Variants in WNT3 observed in about 807,000 individuals in gnomAD.
The protein encoded by WNT3 is proto-oncogene Wnt-3.
Under a neutral mutation model 34.2 loss-of-function variants are expected in WNT3, and 7 were observed. The observed-to-expected ratio is 0.20, with a 90% CI of 0.12 to 0.38. The LOEUF (loss-of-function observed/expected upper bound fraction) is 0.38. Among genes scored for constraint, WNT3 ranks in the 10% least tolerant of loss-of-function variants. WNT3 has a pLI of 1.00. For missense variants in WNT3, 267 were observed against 499.8 expected (o/e 0.53, Z 4.44); for synonymous variants, 212 against 211.5 (o/e 1.00, Z -0.02).
At chr17:46,802,741 G>C (rs2084142225) in intron 1 of WNT3, among the ~76,000 whole-genome samples, 1 of 152,216 alleles carries the variant, frequency 6.6e-6, no homozygotes, top group Non-Finnish European at 1.5e-5. Flanking sequence ...CCGGATAGCG[G>C]AACACGTGGA....
intron 1 of WNT3, among the ~76,000 whole-genome samples, chr17:46,798,886 A>G (rs1314676327): frequency 6.6e-6 from 1 of 152,002 alleles, no homozygotes; most frequent in East Asian, 1.9e-4. Flanking sequence ...CATCTCTACT[A>G]AAAATACAAA....
At chr17:46,803,904 A>G (rs917029204) in intron 1 of WNT3, among the ~76,000 whole-genome samples, 2 of 152,168 alleles carry the variant, frequency 1.3e-5, no homozygotes, top group African/African-American at 4.8e-5. Flanking sequence ...GAGGGTGGGC[A>G]CAGGCTGTAG....
At chr17:46,808,712 T>C (rs1414864384) in intron 1 of WNT3, among the ~76,000 whole-genome samples, 1 of 152,054 alleles carries the variant, frequency 6.6e-6, no homozygotes, top group African/African-American at 2.4e-5. Context: ...TTAAAATTAA[T>C]GACTTAGACA....
Position 46,769,929 on chromosome 17 carries a change from G to A in WNT3, c.442C>T (p.Pro148Ser), listed in dbSNP as rs2059348648. The change falls in exon 3 of 5, where the codon CCG becomes TCG. Residue 148 changes from proline to serine, a missense_variant. Physicochemically the swap from Pro to Ser is moderately conservative, Grantham distance 74. This residue lies in a region of WNT3 where 181 missense variants were observed against 391.3 expected (regional missense o/e 0.46). Coordinates refer to ENST00000225512, the MANE Select transcript of WNT3 (RefSeq NM_030753.5). ...ICGCDSHHKG[P>S]PGEGWKWGGC... Reference sequence around the variant, plus strand: ...CCCCACTTCCAGCCTTCGCCAGGCGGCCCCTTATGATGCGAGTCACAGCCG... The same window carrying A: ...CCCCACTTCCAGCCTTCGCCAGGCGACCCCTTATGATGCGAGTCACAGCCG... 1 of 1,613,434 alleles carries A rather than the reference G, an allele frequency of 6.2e-7. No homozygotes were observed. Among genetic ancestry groups the A allele is most frequent in the Non-Finnish European group, 8.5e-7 (1 of 1,179,880 alleles).
chr17:46,804,304 T>C (rs548152950), intron 1 of WNT3, among the ~76,000 whole-genome samples: 12 of 152,096 alleles, frequency 7.9e-5, no homozygotes, highest in African/African-American at 2.7e-4. Flanking sequence ...GCCAGGCTGG[T>C]TCGAACTCCT....
intron 4 of WNT3, among the ~76,000 whole-genome samples, chr17:46,766,962 A>G (rs918226080): frequency 6.6e-6 from 1 of 152,170 alleles, no homozygotes; most frequent in East Asian, 1.9e-4. Context: ...AACCAGGTCT[A>G]TGAAGAATTT....
chr17:46,815,793 C>T (rs1848612083), intron 1 of WNT3, among the ~76,000 whole-genome samples: 1 of 152,220 alleles, frequency 6.6e-6, no homozygotes, highest in Admixed American at 6.5e-5. Flanking sequence ...GTGCCCCCTG[C>T]AGCCACCTTG....
At chr17:46,771,700 G>T (rs2059372619) in intron 2 of WNT3, among the ~76,000 whole-genome samples, 3 of 143,620 alleles carry the variant, frequency 2.1e-5, no homozygotes, top group African/African-American at 7.5e-5. Flanking sequence ...CCGCGGCCGG[G>T]CCGCGCCCCC....
chr17:46,774,189 A>C (rs1162817552), intron 1 of WNT3, among the ~76,000 whole-genome samples: 8 of 152,206 alleles, frequency 5.3e-5, no homozygotes, highest in Non-Finnish European at 1.0e-4. Flanking sequence ...AGCCATGAAA[A>C]GAGGTTTGGA....
At chr17:46,779,132 C>T (rs1483435849) in intron 1 of WNT3, among the ~76,000 whole-genome samples, 10 of 149,950 alleles carry the variant, frequency 6.7e-5, no homozygotes, top group Non-Finnish European at 5.9e-5. Flanking sequence ...TCCAAAGGGC[C>T]GGGCACATGC....
In WNT3 at chr17:46,762,572, C is replaced by T. The variant is rs1187664798; in HGVS notation, c.*2058G>A. Reference sequence around the variant, plus strand: ...AAAACTGCATGATGAAATATATTTTCTCCAAATATATATATATTTATATAA... The same window carrying T: ...AAAACTGCATGATGAAATATATTTTTTCCAAATATATATATATTTATATAA... On this transcript the variant is annotated 3_prime_UTR_variant, in exon 5 of 5. Transcript: ENST00000225512. 1 of 150,592 alleles carries T rather than the reference C, an allele frequency of 6.6e-6. No homozygotes were observed. Among genetic ancestry groups the T allele is most frequent in the Non-Finnish European group, 1.5e-5 (1 of 67,782 alleles). The allele number at this position is 150,592 out of a possible 1,614,324, so 9.3% of individuals were successfully genotyped here.
At chr17:46,807,249 G>A (rs2084209537) in intron 1 of WNT3, among the ~76,000 whole-genome samples, 1 of 152,226 alleles carries the variant, frequency 6.6e-6, no homozygotes, top group Admixed American at 6.5e-5. Flanking sequence ...TTGGGAGGCC[G>A]AGGCAGGTGG....
intron 1 of WNT3, among the ~76,000 whole-genome samples, chr17:46,799,156 A>AC (rs1208215588): frequency 6.6e-6 from 1 of 152,122 alleles, no homozygotes; most frequent in Admixed American, 6.6e-5. Flanking sequence ...GGATACCAGA[A>AC]CGCAAGGTCA....
At chr17:46,804,513 C>G (rs775542607) in intron 1 of WNT3, among the ~76,000 whole-genome samples, 3 of 152,204 alleles carry the variant, frequency 2.0e-5, no homozygotes, top group Non-Finnish European at 2.9e-5. Flanking sequence ...ACGGAAGCCT[C>G]TAAATCAGAG....
At chr17:46,775,738 C>T (rs1267865704) in intron 1 of WNT3, among the ~76,000 whole-genome samples, 2 of 151,656 alleles carry the variant, frequency 1.3e-5, no homozygotes, top group African/African-American at 4.8e-5. Flanking sequence ...CTCAGCCTCC[C>T]GAGTAGCTGG....
At chr17:46,781,213 A>C (rs1283608944) in intron 1 of WNT3, among the ~76,000 whole-genome samples, 1 of 135,454 alleles carries the variant, frequency 7.4e-6, no homozygotes, top group Non-Finnish European at 1.6e-5. Context: ...GCGACAGAGC[A>C]AGACTCTGTC....
intron 1 of WNT3, among the ~76,000 whole-genome samples, chr17:46,809,808 C>T (rs944092786): frequency 9.2e-5 from 14 of 151,972 alleles, no homozygotes; most frequent in African/African-American, 3.1e-4. Context: ...GGCCTCTGTG[C>T]CCTCTCCCAG....
chr17:46,771,893 TGCCCCCGCCCCC>T (rs1282212413), intron 2 of WNT3, among the ~76,000 whole-genome samples: 1 of 103,330 alleles, frequency 9.7e-6, no homozygotes, highest in Admixed American at 8.3e-5. Context: ...CCCCCGCCCC[TGCCCCCGCCCCC>T]GCCTGGGGAA....
chr17:46,789,415 G>A (rs950964102), intron 1 of WNT3, among the ~76,000 whole-genome samples: 1 of 152,180 alleles, frequency 6.6e-6, no homozygotes, highest in African/African-American at 2.4e-5. Context: ...TCCAACACCA[G>A]CGTGGCAGGA....
Sources: allele counts gnomAD v4.1 joint callset (sites outside exome capture counted in the v4.1 genomes callset), GRCh38; gene constraint gnomAD v4.1.1; regional missense constraint gnomAD v4.1.1; transcripts MANE v1.5; gene names NCBI Gene and HGNC (gene_info 2026-07-23, HGNC 2026-07-21).